Variants in TNRC6B observed in about 807,000 individuals in gnomAD.
TNRC6B encodes trinucleotide repeat-containing gene 6B protein.
TNRC6B carries 52 observed loss-of-function variants against 203.6 expected under a neutral mutation model. That is an observed-to-expected ratio of 0.26 (90% CI 0.20 to 0.32). The LOEUF is 0.32. TNRC6B is among the 10% of genes least tolerant of loss of function. The pLI is 1.00. For missense variants in TNRC6B, 1,923 were observed against 2,286.2 expected (o/e 0.84, Z 3.24); for synonymous variants, 838 against 845.7 (o/e 0.99, Z 0.16).
At chr22:40,110,621 G>T (rs1466430343) in intron 1 of TNRC6B, among the ~76,000 whole-genome samples, 1 of 152,232 alleles carries the variant, frequency 6.6e-6, no homozygotes, top group Non-Finnish European at 1.5e-5. Flanking sequence ...ATACCCCAAG[G>T]TTGGGTATGA....
At position 40,186,231 on chromosome 22, in the gene TNRC6B, C is replaced by T. The variant is rs115059013; in HGVS notation, c.5+8091C>T. On this transcript the variant is annotated intron_variant, in intron 1 of 22. Coordinates refer to ENST00000454349, the MANE Select transcript of TNRC6B (RefSeq NM_001162501.2). ...TCTGAAGGACAGTCATTCCTCATCA[C>T]AGAAGATGAGGGAAGAACTGTTCGA... Among the ~76,000 whole-genome samples the T allele has an allele frequency of 4.5e-3, 692 of 152,154 alleles. 6 individuals carry two copies. Among genetic ancestry groups the T allele is most frequent in the African/African-American group, 0.015 (633 of 41,484 alleles).
chr22:40,308,430 C>T, intron 15 of TNRC6B, 82 bp from the exon 16 acceptor site: 1 of 1,503,560 alleles, frequency 6.7e-7, no homozygotes. Flanking sequence ...TTGAATGACA[C>T]TTGAAGGCAT....
intron 3 of TNRC6B, among the ~76,000 whole-genome samples, chr22:40,143,619 T>TC (rs1210770112): frequency 3.9e-5 from 6 of 151,950 alleles, no homozygotes; most frequent in Admixed American, 6.6e-5. Flanking sequence ...TGCCTCAGCC[T>TC]CTGAGTAGCT....
In TNRC6B at chr22:40,266,475, T is replaced by TGGG. The variant is rs1190304283; in HGVS notation, c.2249_2251dup (p.Gly750dup). On this transcript the variant is annotated inframe_insertion, in exon 5 of 23. Coordinates refer to ENST00000454349, the MANE Select transcript of TNRC6B (RefSeq NM_001162501.2). ...AGGATGGTCTTCTGGAAAGAATGGT[T>TGGG]GGGGGGAGGAAGTCGATCAGACAAA... 1 of 1,613,322 alleles carries TGGG rather than the reference T, an allele frequency of 6.2e-7. No homozygotes were observed. Among genetic ancestry groups the TGGG allele is most frequent in the Non-Finnish European group, 8.5e-7 (1 of 1,179,678 alleles).
chr22:40,301,221 G>T lies in TNRC6B; in HGVS notation c.4008G>T (p.Ser1336=). 1 of 1,557,296 alleles carries T rather than the reference G, an allele frequency of 6.4e-7. No homozygotes were observed. The highest frequency in any genetic ancestry group is 8.7e-7 in the Non-Finnish European group (1 of 1,150,038). ...QQQRQPGMKH[S]PSHPVGPKPH... ...AGAGGCAGCCAGGCATGAAGCACTCGCCCTCTCATCCTGTTGGGCCCAAGC... is the reference window on the plus strand; with the variant it reads ...AGAGGCAGCCAGGCATGAAGCACTCTCCCTCTCATCCTGTTGGGCCCAAGC... Residue 1336 remains serine, a synonymous_variant, in exon 15 of 23, where the codon TCG becomes TCT. Transcript: ENST00000454349.
chr22:40,231,762 T>C (rs937816704), intron 1 of TNRC6B, among the ~76,000 whole-genome samples: 1 of 152,226 alleles, frequency 6.6e-6, no homozygotes, highest in African/African-American at 2.4e-5. Context: ...TTATTGTTGA[T>C]GAAATTAGAG....
At chr22:40,293,403 G>C (rs1003456743) in intron 12 of TNRC6B, among the ~76,000 whole-genome samples, 2 of 151,886 alleles carry the variant, frequency 1.3e-5, no homozygotes, top group Non-Finnish European at 2.9e-5. Context: ...ATGTTGGCCA[G>C]TCTGGTCTCG....
intron 1 of TNRC6B, among the ~76,000 whole-genome samples, chr22:40,060,116 C>T (rs2146270602): frequency 6.6e-6 from 1 of 150,446 alleles, no homozygotes. Flanking sequence ...AGGCGTGAGG[C>T]ACTGTGCCCG....
At chr22:40,283,052 T>C (rs2070737824) in intron 11 of TNRC6B, among the ~76,000 whole-genome samples, 1 of 152,102 alleles carries the variant, frequency 6.6e-6, no homozygotes, top group South Asian at 2.1e-4. Flanking sequence ...TTATTTATTT[T>C]GAGATGGAGT....
At chr22:40,171,347 G>A (rs1484671579) in intron 4 of TNRC6B, among the ~76,000 whole-genome samples, 1 of 151,700 alleles carries the variant, frequency 6.6e-6, no homozygotes, top group Non-Finnish European at 1.5e-5. Context: ...ATTCTTAGTA[G>A]AGATGGGGTT....
At chr22:40,089,539 CT>C (rs573640478) in intron 1 of TNRC6B, among the ~76,000 whole-genome samples, 31 of 148,878 alleles carry the variant, frequency 2.1e-4, no homozygotes, top group African/African-American at 5.9e-4. Flanking sequence ...AGCGTTAAGA[CT>C]TTTTTTTTTA....
At chr22:40,270,404 C>G in intron 6 of TNRC6B, 124 bp downstream of exon 6, 1 of 981,686 alleles carries the variant, frequency 1.0e-6, no homozygotes, top group South Asian at 3.7e-5. Context: ...ACTGCAACCT[C>G]TGCTTTCCAG....
chr22:40,142,262 A>G (rs1331400699), intron 3 of TNRC6B, among the ~76,000 whole-genome samples: 2 of 147,492 alleles, frequency 1.4e-5, no homozygotes, highest in Non-Finnish European at 3.0e-5. Flanking sequence ...GGTCTCCACT[A>G]TGTTGCCCAG....
At position 40,177,937 on chromosome 22, in the gene TNRC6B, G is replaced by GGAGA; in HGVS notation, c.-191_-188dup. On this transcript the variant is annotated 5_prime_UTR_variant, in exon 1 of 23. Transcript: ENST00000454349. ...AGCTGCTTCCTTTAGAGACAGAGAGGGAGAGAGAGAGCAAGAGGGAGAGTG... is the reference window on the plus strand; with the variant it reads ...AGCTGCTTCCTTTAGAGACAGAGAGGGAGAGAGAGAGAGAGCAAGAGGGAGAGTG... The GGAGA allele has an allele frequency of 1.4e-6, 2 of 1,382,850 alleles. No individual in the cohort carries two copies. Among genetic ancestry groups the GGAGA allele is most frequent in the African/African-American group, 3.0e-5 (2 of 67,082 alleles). 85.7% of individuals were successfully genotyped at this position (1,382,850 alleles called of 1,614,324 possible).
At chr22:40,212,861 G>C (rs1340506092) in intron 1 of TNRC6B, among the ~76,000 whole-genome samples, 1 of 152,044 alleles carries the variant, frequency 6.6e-6, no homozygotes, top group Non-Finnish European at 1.5e-5. Flanking sequence ...TGTTGGCCAG[G>C]CTGGTCTCAA....
intron 3 of TNRC6B, among the ~76,000 whole-genome samples, chr22:40,135,184 C>T (rs1164600733): frequency 1.3e-5 from 2 of 152,218 alleles, no homozygotes; most frequent in South Asian, 4.1e-4. Context: ...GAGCTGCAGA[C>T]ACCTTAAGCC....
chr22:40,097,793 T>C (rs1322249309), intron 1 of TNRC6B, among the ~76,000 whole-genome samples: 1 of 152,116 alleles, frequency 6.6e-6, no homozygotes, highest in Non-Finnish European at 1.5e-5. Context: ...TATTTATTTG[T>C]ATATTTTTGA....
intron 12 of TNRC6B, among the ~76,000 whole-genome samples, chr22:40,291,619 A>T (rs1391109121): frequency 6.6e-6 from 1 of 152,194 alleles, no homozygotes; most frequent in Non-Finnish European, 1.5e-5. Flanking sequence ...ATTCACGGTG[A>T]TCATAATGAT....
chr22:40,147,405 T>C (rs1485313066), intron 3 of TNRC6B, among the ~76,000 whole-genome samples: 1 of 152,196 alleles, frequency 6.6e-6, no homozygotes, highest in Non-Finnish European at 1.5e-5. Context: ...AGTTTGTTTA[T>C]GCTGCTATAA....
Sources: gnomAD v4.1 joint callset for allele counts (sites outside exome capture counted in the v4.1 genomes callset) on GRCh38, gnomAD v4.1.1 for gene constraint, MANE v1.5 for transcripts, NCBI Gene and HGNC (gene_info 2026-07-23, HGNC 2026-07-21) for gene names.